SEMA5B: variants seen among roughly 807,000 people sequenced by gnomAD.
SEMA5B encodes the protein semaphorin-5B.
Under a neutral mutation model 135.0 loss-of-function variants are expected in SEMA5B, and 66 were observed. That is an observed-to-expected ratio of 0.49 (90% CI 0.40 to 0.60). The LOEUF (loss-of-function observed/expected upper bound fraction) is 0.60, where lower values mean the gene tolerates loss of function less well. SEMA5B is among the 20% of genes least tolerant of loss of function. The probability of loss-of-function intolerance (pLI) is 0.00; values close to 1 mark genes in which losing one functional copy is unlikely to be tolerated. For synonymous variants in SEMA5B, 690 were observed against 639.5 expected (o/e 1.08, Z -1.19); for missense variants, 1,501 against 1,566.3 (o/e 0.96, Z 0.70).
chr3:123,026,976 G>C (rs1942816034), intron 1 of SEMA5B: 1 of 154,330 alleles, frequency 6.5e-6, no homozygotes, highest in African/African-American at 2.4e-5. Context: ...GTGGAGCAGG[G>C]ACGTCCCTGA....
At chr3:123,005,200 C>T (rs1398113376) in intron 1 of SEMA5B, among the ~76,000 whole-genome samples, 2 of 152,184 alleles carry the variant, frequency 1.3e-5, no homozygotes, top group African/African-American at 4.8e-5. Flanking sequence ...CTTCCTCCAC[C>T]TGTCCCCACC....
intron 1 of SEMA5B, among the ~76,000 whole-genome samples, chr3:122,976,603 A>T: frequency 6.6e-6 from 1 of 152,240 alleles, no homozygotes; most frequent in African/African-American, 2.4e-5. Flanking sequence ...GAACACCTGT[A>T]TACCCGCCAT....
intron 1 of SEMA5B, among the ~76,000 whole-genome samples, chr3:122,962,515 G>T (rs971565160): frequency 1.3e-5 from 2 of 152,242 alleles, no homozygotes; most frequent in Non-Finnish European, 1.5e-5. Flanking sequence ...AGGGGAGATT[G>T]CGGGAAGAAC....
chr3:122,919,942 G>T (rs113214941), intron 12 of SEMA5B, among the ~76,000 whole-genome samples: 60 of 152,208 alleles, frequency 3.9e-4, no homozygotes, highest in African/African-American at 1.4e-3. Flanking sequence ...GAATGTGAGC[G>T]CAGGCCTCCC....
intron 2 of SEMA5B, among the ~76,000 whole-genome samples, chr3:122,960,505 G>A (rs185072377): frequency 2.6e-5 from 4 of 152,256 alleles, no homozygotes; most frequent in Admixed American, 6.5e-5. Context: ...GTAGGATATC[G>A]AAGAAATATT....
intron 1 of SEMA5B, among the ~76,000 whole-genome samples, chr3:123,024,009 G>A (rs888022971): frequency 2.6e-5 from 4 of 152,202 alleles, no homozygotes; most frequent in Admixed American, 6.5e-5. Flanking sequence ...CCAGAACTCA[G>A]CTCTGGGTTC....
intron 1 of SEMA5B, among the ~76,000 whole-genome samples, chr3:122,998,366 A>T (rs1463572731): frequency 1.3e-5 from 2 of 152,170 alleles, no homozygotes; most frequent in African/African-American, 4.8e-5. Context: ...ACCTTGCCGA[A>T]TCCTGATCTG....
chr3:122,978,241 G>A (rs1033547630), intron 1 of SEMA5B, among the ~76,000 whole-genome samples: 17 of 152,360 alleles, frequency 1.1e-4, no homozygotes, highest in African/African-American at 3.4e-4. Context: ...CATGCGAGTC[G>A]GTGGGTGGAC....
upstream of SEMA5B, among the ~76,000 whole-genome samples, chr3:123,028,033 G>A (rs1942848128): frequency 6.6e-6 from 1 of 152,164 alleles, no homozygotes; most frequent in Non-Finnish European, 1.5e-5. Flanking sequence ...CGGCATTCCG[G>A]CGGCAAGACC....
chr3:122,982,787 C>T (rs1941562092), intron 1 of SEMA5B, among the ~76,000 whole-genome samples: 1 of 152,156 alleles, frequency 6.6e-6, no homozygotes. Flanking sequence ...ATTCACTCTC[C>T]TCTTATTCTA....
chr3:122,931,098 A>C (rs1386542738), intron 5 of SEMA5B, among the ~76,000 whole-genome samples: 1 of 152,226 alleles, frequency 6.6e-6, no homozygotes, highest in East Asian at 1.9e-4. Context: ...AGAGTTTAAA[A>C]AGTTAAATAG....
intron 1 of SEMA5B, among the ~76,000 whole-genome samples, chr3:122,996,807 TAGCGTTCGACCTGCCC>T (rs1463511492): frequency 1.5e-4 from 23 of 152,106 alleles, no homozygotes; most frequent in African/African-American, 5.6e-4. Context: ...GCAGCCCGAG[TAGCGTTCGACCTGCCC>T]AGCCCCCATG....
intron 1 of SEMA5B, among the ~76,000 whole-genome samples, chr3:123,026,515 T>G (rs1942803804): frequency 6.6e-6 from 1 of 152,128 alleles, no homozygotes; most frequent in Admixed American, 6.5e-5. Context: ...GTTTAAAGTT[T>G]GCGGTGGGCA....
At chr3:123,017,761 A>T (rs1481168531) in intron 1 of SEMA5B, among the ~76,000 whole-genome samples, 1 of 152,118 alleles carries the variant, frequency 6.6e-6, no homozygotes, top group Non-Finnish European at 1.5e-5. Context: ...TACAAAAATT[A>T]GCCAGATGCA....
At chr3:122,921,399 T>C (rs982611325) in intron 12 of SEMA5B, among the ~76,000 whole-genome samples, 9 of 152,106 alleles carry the variant, frequency 5.9e-5, no homozygotes, top group African/African-American at 2.2e-4. Flanking sequence ...CCAGGGCAAC[T>C]CCTCCACGTG....
At chr3:123,003,711 G>C (rs890180056) in intron 1 of SEMA5B, among the ~76,000 whole-genome samples, 3 of 152,194 alleles carry the variant, frequency 2.0e-5, no homozygotes, top group Non-Finnish European at 2.9e-5. Context: ...GCAGGCGCCT[G>C]TAATGCCAGC....
intron 20 of SEMA5B, 119 bp downstream of exon 20, chr3:122,911,801 C>T: frequency 1.5e-6 from 2 of 1,306,570 alleles, no homozygotes; most frequent in Middle Eastern, 2.3e-4. Context: ...CTTCCCCCCA[C>T]TTCCATGTTT....
At chr3:122,939,969 G>C (rs908671309) in intron 4 of SEMA5B, among the ~76,000 whole-genome samples, 1 of 152,004 alleles carries the variant, frequency 6.6e-6, no homozygotes, top group African/African-American at 2.4e-5. Flanking sequence ...ACATCCCGGG[G>C]TCCTGAGTCC....
At chr3:123,024,630 A>G (rs1384971592) in intron 1 of SEMA5B, among the ~76,000 whole-genome samples, 3 of 152,148 alleles carry the variant, frequency 2.0e-5, no homozygotes, top group African/African-American at 7.2e-5. Flanking sequence ...TGACAGAAGA[A>G]TCTTAATGGG....
Sources: gnomAD v4.1 joint callset for allele counts (sites outside exome capture counted in the v4.1 genomes callset) on GRCh38, gnomAD v4.1.1 for gene constraint, MANE v1.5 for transcripts, NCBI Gene and HGNC (gene_info 2026-07-23, HGNC 2026-07-21) for gene names.